Variants in EYS observed in about 807,000 individuals in gnomAD.
The protein encoded by EYS is protein eyes shut homolog.
Under a neutral mutation model 282.1 loss-of-function variants are expected in EYS, and 250 were observed. The observed-to-expected ratio is 0.89, with a 90% CI of 0.80 to 0.98. The LOEUF is 0.98. Ranked by LOEUF, EYS falls within the 50% of genes least tolerant of loss-of-function variation. The pLI, the probability that EYS is intolerant of heterozygous loss-of-function variation, is 0.00. For missense variants in EYS, 4,016 were observed against 3,709.0 expected, an observed-to-expected ratio of 1.08 and a Z score of -2.15; for synonymous variants, 1,355 against 1,282.9, an observed-to-expected ratio of 1.06 and a Z score of -1.20.
At chr6:64,861,337 C>T (rs1325475110) in intron 19 of EYS, among the ~76,000 whole-genome samples, 2 of 152,214 alleles carry the variant, frequency 1.3e-5, no homozygotes, top group Non-Finnish European at 2.9e-5. Flanking sequence ...CTCAACTCAA[C>T]TCTGCTCACT....
At chr6:63,755,378 A>C (rs1769452273) in intron 41 of EYS, among the ~76,000 whole-genome samples, 1 of 152,294 alleles carries the variant, frequency 6.6e-6, no homozygotes, top group Non-Finnish European at 1.5e-5. Flanking sequence ...ACCATTTATT[A>C]AATAGGGAAT....
chr6:63,860,567 C>A (rs72890149), intron 36 of EYS, among the ~76,000 whole-genome samples: 2 of 152,174 alleles, frequency 1.3e-5, no homozygotes, highest in East Asian at 3.8e-4. Context: ...AGTGAAATCA[C>A]GCACAAGTTG....
chr6:64,046,380 ACCATCTGT>A (rs1346317521), intron 33 of EYS, among the ~76,000 whole-genome samples: 2 of 151,806 alleles, frequency 1.3e-5, no homozygotes, highest in Non-Finnish European at 2.9e-5. Flanking sequence ...TCTCTCTCTC[ACCATCTGT>A]CCATCTATTT....
At chr6:64,271,155 G>A (rs1368673653) in intron 30 of EYS, among the ~76,000 whole-genome samples, 1 of 152,082 alleles carries the variant, frequency 6.6e-6, no homozygotes, top group African/African-American at 2.4e-5. Flanking sequence ...CTAAGTACAA[G>A]AGCAAGAAGT....
intron 28 of EYS, among the ~76,000 whole-genome samples, chr6:64,407,465 A>G (rs1773756039): frequency 6.6e-6 from 1 of 152,124 alleles, no homozygotes; most frequent in South Asian, 2.1e-4. Flanking sequence ...AGGAATAAAA[A>G]GGGTTCATCA....
intron 2 of EYS, among the ~76,000 whole-genome samples, chr6:65,522,455 A>T (rs774908977): frequency 6.6e-6 from 1 of 151,972 alleles, no homozygotes; most frequent in Non-Finnish European, 1.5e-5. Context: ...ATAATAGTGA[A>T]AGTATTTTGT....
chr6:64,891,502 TA>T (rs1196193630), intron 18 of EYS, among the ~76,000 whole-genome samples: 1 of 151,998 alleles, frequency 6.6e-6, no homozygotes, highest in African/African-American at 2.4e-5. Flanking sequence ...TTCAAAACGT[TA>T]AAAAAATAAA....
At chr6:64,291,457 T>C (rs1209575508) in intron 30 of EYS, among the ~76,000 whole-genome samples, 3 of 152,108 alleles carry the variant, frequency 2.0e-5, no homozygotes, top group African/African-American at 7.2e-5. Flanking sequence ...TTCCTGAATG[T>C]TTCATTTCCC....
chr6:64,822,750 C>T lies in EYS; in HGVS notation c.3065G>A (p.Gly1022Asp), dbSNP rs1366534762. Residue 1022 changes from glycine to aspartate, a missense_variant, in exon 20 of 43, where the codon GGC becomes GAC. Transcript: ENST00000503581. ...GCAGTCACAGGTATAATGATTGATGCCATCGATACAAACTCCATCATGGAG... is the reference window on the plus strand; with the variant it reads ...GCAGTCACAGGTATAATGATTGATGTCATCGATACAAACTCCATCATGGAG... ...PCLHDGVCID[G>D]INHYTCDCKS... The T allele has an allele frequency of 3.9e-6, 6 of 1,549,814 alleles. No individual in the cohort carries two copies. The highest frequency in any genetic ancestry group is 1.4e-5 in the African/African-American group (1 of 72,900).
At chr6:63,820,767 C>T (rs1308322276) in intron 36 of EYS, among the ~76,000 whole-genome samples, 1 of 152,120 alleles carries the variant, frequency 6.6e-6, no homozygotes, top group African/African-American at 2.4e-5. Flanking sequence ...GGGTCTTTTG[C>T]TTAATTTTCT....
At chr6:63,735,475 T>C (rs906088399) in intron 41 of EYS, among the ~76,000 whole-genome samples, 1 of 150,364 alleles carries the variant, frequency 6.7e-6, no homozygotes, top group African/African-American at 2.5e-5. Context: ...TGTCTTCCTG[T>C]GTCTCTGTCT....
intron 28 of EYS, among the ~76,000 whole-genome samples, chr6:64,435,618 A>T (rs1774716740): frequency 6.6e-6 from 1 of 151,924 alleles, no homozygotes; most frequent in Non-Finnish European, 1.5e-5. Context: ...AAAGCATTAC[A>T]TCTATATTAA....
intron 2 of EYS, among the ~76,000 whole-genome samples, chr6:65,530,830 GCA>G (rs1421316721): frequency 6.6e-6 from 1 of 152,064 alleles, no homozygotes; most frequent in Non-Finnish European, 1.5e-5. Flanking sequence ...CATTCGGTCT[GCA>G]TACTTTTTGT....
intron 5 of EYS, chr6:65,489,282 G>T (rs1238865971): frequency 6.6e-6 from 1 of 152,072 alleles, no homozygotes; most frequent in East Asian, 1.9e-4. Flanking sequence ...TTTACAAGAA[G>T]AAAGCAAGCA....
At chr6:64,459,812 G>A (rs1642840679) in intron 26 of EYS, among the ~76,000 whole-genome samples, 1 of 152,116 alleles carries the variant, frequency 6.6e-6, no homozygotes, top group Admixed American at 6.5e-5. Flanking sequence ...GTCTCTCACA[G>A]TCCACTGACT....
chr6:63,862,719 C>T (rs1250417824), intron 36 of EYS, among the ~76,000 whole-genome samples: 1 of 152,162 alleles, frequency 6.6e-6, no homozygotes, highest in Non-Finnish European at 1.5e-5. Flanking sequence ...AGAATGATTA[C>T]ATCTGAAAAG....
chr6:65,613,301 G>C (rs1766066374), intron 2 of EYS, among the ~76,000 whole-genome samples: 1 of 151,752 alleles, frequency 6.6e-6, no homozygotes, highest in South Asian at 2.1e-4. Flanking sequence ...ATTTAATACG[G>C]TGGTGACTTC....
At chr6:64,937,367 T>C (rs1485432226) in intron 15 of EYS, among the ~76,000 whole-genome samples, 2 of 151,564 alleles carry the variant, frequency 1.3e-5, no homozygotes, top group South Asian at 2.1e-4. Flanking sequence ...ACTCACATAA[T>C]GGAAGAAAAT....
intron 31 of EYS, among the ~76,000 whole-genome samples, chr6:64,134,442 AAT>A (rs1482702101): frequency 6.6e-6 from 1 of 152,140 alleles, no homozygotes; most frequent in African/African-American, 2.4e-5. Context: ...GGCTCTAAAA[AAT>A]ATGTCTAGTG....
Sources: allele counts gnomAD v4.1 joint callset (sites outside exome capture counted in the v4.1 genomes callset), GRCh38; gene constraint gnomAD v4.1.1; transcripts MANE v1.5; gene names NCBI Gene and HGNC (gene_info 2026-07-23, HGNC 2026-07-21).